The following SORCS1 variants were observed in gnomAD, a reference collection of about 807,000 sequenced individuals.
The protein encoded by SORCS1 is sortilin related VPS10 domain containing receptor 1.
Under a neutral mutation model 146.1 loss-of-function variants are expected in SORCS1, and 60 were observed. The ratio of observed to expected loss-of-function variants is 0.41; its 90% CI spans 0.33 to 0.51. SORCS1 has a LOEUF of 0.51. SORCS1 is among the 20% of genes least tolerant of loss of function. The probability of loss-of-function intolerance (pLI) is 0.21; values close to 1 mark genes in which losing one functional copy is unlikely to be tolerated. For missense variants in SORCS1, 1,352 were observed against 1,487.6 expected (o/e 0.91, Z 1.50); for synonymous variants, 637 against 584.0 (o/e 1.09, Z -1.31).
At chr10:106,821,696 C>T (rs1296282002) in intron 3 of SORCS1, among the ~76,000 whole-genome samples, 1 of 152,014 alleles carries the variant, frequency 6.6e-6, no homozygotes, top group Non-Finnish European at 1.5e-5. Context: ...CCGAGGCGGG[C>T]GGATCCCGAG....
chr10:107,005,939 C>G (rs1322216970), intron 1 of SORCS1, among the ~76,000 whole-genome samples: 1 of 152,124 alleles, frequency 6.6e-6, no homozygotes, highest in Admixed American at 6.5e-5. Flanking sequence ...AAAATTATAT[C>G]AATTGCCCAT....
intron 1 of SORCS1, among the ~76,000 whole-genome samples, chr10:106,976,132 C>CA (rs765709439): frequency 0.046 from 3,848 of 83,644 alleles, 151 homozygotes; most frequent in African/African-American, 0.14. Flanking sequence ...GACTCTGTCT[C>CA]AAAAAAAAAA....
chr10:106,611,487 A>G (rs2133415433), intron 22 of SORCS1, among the ~76,000 whole-genome samples: 1 of 152,304 alleles, frequency 6.6e-6, no homozygotes, highest in South Asian at 2.1e-4. Flanking sequence ...GGAAGTTGGA[A>G]CCTGGGACCA....
intron 1 of SORCS1, among the ~76,000 whole-genome samples, chr10:106,987,578 C>T (rs544821087): frequency 6.6e-6 from 1 of 152,196 alleles, no homozygotes; most frequent in African/African-American, 2.4e-5. Flanking sequence ...ACGGACCGGG[C>T]AGTGCCCTCA....
chr10:107,062,506 G>A (rs1305766496), intron 1 of SORCS1, among the ~76,000 whole-genome samples: 1 of 152,070 alleles, frequency 6.6e-6, no homozygotes. Context: ...AGAAGGAGAT[G>A]TAATGTTAAA....
At chr10:107,136,734 C>T (rs1331919593) in intron 1 of SORCS1, among the ~76,000 whole-genome samples, 2 of 152,100 alleles carry the variant, frequency 1.3e-5, no homozygotes, top group Non-Finnish European at 2.9e-5. Context: ...ACATCATGGC[C>T]AAGATCACCC....
intron 1 of SORCS1, among the ~76,000 whole-genome samples, chr10:107,121,783 A>T (rs1190750629): frequency 1.3e-5 from 2 of 152,224 alleles, no homozygotes; most frequent in South Asian, 2.1e-4. Flanking sequence ...TTGCATAACA[A>T]ATATAAAATG....
chr10:106,669,142 C>A (rs1272562886), intron 16 of SORCS1, among the ~76,000 whole-genome samples: 1 of 151,940 alleles, frequency 6.6e-6, no homozygotes, highest in Non-Finnish European at 1.5e-5. Flanking sequence ...GGGATTGGGC[C>A]AAGACTAAGG....
At chr10:106,861,174 G>T (rs534680872) in intron 2 of SORCS1, among the ~76,000 whole-genome samples, 1 of 152,264 alleles carries the variant, frequency 6.6e-6, no homozygotes, top group East Asian at 1.9e-4. Context: ...GAGGCAGGCA[G>T]ATTGCCTGAG....
At chr10:107,009,836 G>A (rs998989558) in intron 1 of SORCS1, among the ~76,000 whole-genome samples, 1 of 152,162 alleles carries the variant, frequency 6.6e-6, no homozygotes, top group Admixed American at 6.5e-5. Flanking sequence ...TTATCAGAGC[G>A]ACAAAGAATA....
intron 17 of SORCS1, among the ~76,000 whole-genome samples, chr10:106,655,663 A>G (rs1850230460): frequency 6.6e-6 from 1 of 152,128 alleles, no homozygotes; most frequent in African/African-American, 2.4e-5. Flanking sequence ...GCTGTTGGTA[A>G]TTTTTTTAAA....
At chr10:106,973,334 C>A (rs1373345464) in intron 1 of SORCS1, among the ~76,000 whole-genome samples, 1 of 152,212 alleles carries the variant, frequency 6.6e-6, no homozygotes, top group African/African-American at 2.4e-5. Context: ...CCTGCTGCTT[C>A]TCTCACTTTA....
chr10:107,164,227 C>T lies in SORCS1; in HGVS notation c.300G>A (p.Ala100=), dbSNP rs1376709040. 7.5e-6 allele frequency: 12 copies of T among 1,608,286 alleles called. No individual in the cohort carries two copies. Among genetic ancestry groups the T allele is most frequent in the East Asian group, 2.2e-5 (1 of 44,826 alleles). The part of the protein sequence containing the change: ...ERARGTGASM[A]VAARSGRRRR... ...TCCTCCGGCCGGAGCGTGCAGCAAC[C>T]GCCATGGATGCCCCAGTGCCCCGAG... The change falls in exon 1 of 26, where the codon GCG becomes GCA. Residue 100 remains alanine (A), a synonymous_variant. Coordinates refer to ENST00000263054, the MANE Select transcript of SORCS1 (RefSeq NM_052918.5). The surrounding 1 kb of genome is among the most constrained non-coding windows in gnomAD (Gnocchi z 6.8).
intron 1 of SORCS1, among the ~76,000 whole-genome samples, chr10:107,057,603 G>A (rs887767868): frequency 7.4e-5 from 11 of 149,076 alleles, no homozygotes; most frequent in South Asian, 4.4e-4. Flanking sequence ...TCTCTCTTCT[G>A]TTGTCCTCTC....
chr10:106,794,799 G>A (rs1020211463), intron 3 of SORCS1, among the ~76,000 whole-genome samples: 2 of 151,930 alleles, frequency 1.3e-5, no homozygotes, highest in Admixed American at 1.3e-4. Context: ...CACCACACCG[G>A]GCCCTCATTG....
intron 1 of SORCS1, among the ~76,000 whole-genome samples, chr10:107,068,899 T>A (rs1329517573): frequency 6.0e-5 from 9 of 149,514 alleles, no homozygotes; most frequent in Admixed American, 6.0e-4. Context: ...AACCTCACCA[T>A]GATCTTTTTT....
intron 2 of SORCS1, among the ~76,000 whole-genome samples, chr10:106,892,838 T>C (rs922724075): frequency 6.6e-6 from 1 of 151,384 alleles, no homozygotes; most frequent in East Asian, 1.9e-4. Flanking sequence ...GTATTTTTTA[T>C]AGTGTCTAAA....
chr10:106,870,829 T>C (rs1014244694), intron 2 of SORCS1, among the ~76,000 whole-genome samples: 3 of 152,028 alleles, frequency 2.0e-5, no homozygotes, highest in Non-Finnish European at 4.4e-5. Context: ...AAAGCAAACA[T>C]TGACAAATTG....
At chr10:106,610,078 G>A (rs908330310) in intron 22 of SORCS1, among the ~76,000 whole-genome samples, 2 of 152,160 alleles carry the variant, frequency 1.3e-5, no homozygotes, top group Non-Finnish European at 2.9e-5. Flanking sequence ...TCTGGTAGTC[G>A]TGCCTCCTGG....
Sources: gnomAD v4.1 joint callset for allele counts (sites outside exome capture counted in the v4.1 genomes callset) on GRCh38, gnomAD v4.1.1 for gene constraint, Gnocchi (gnomAD v3.1) non-coding constraint, MANE v1.5 for transcripts, NCBI Gene and HGNC (gene_info 2026-07-23, HGNC 2026-07-21) for gene names.